TNS3: variants seen among roughly 807,000 people sequenced by gnomAD.
The protein encoded by TNS3 is tensin 3, also known as tensin-3.
Under a neutral mutation model 140.9 loss-of-function variants are expected in TNS3, and 45 were observed. The observed-to-expected ratio is 0.32, with a 90% CI of 0.25 to 0.41. The LOEUF is 0.41. TNS3 is among the 10% of genes least tolerant of loss of function. The probability of loss-of-function intolerance (pLI) is 1.00; values close to 1 mark genes in which losing one functional copy is unlikely to be tolerated. For missense variants in TNS3, 1,716 were observed against 1,906.7 expected (o/e 0.90, Z 1.86); for synonymous variants, 815 against 788.4 (o/e 1.03, Z -0.56).
In TNS3 at chr7:47,368,624, A is replaced by G. The variant is rs1303934373; in HGVS notation, c.2022T>C (p.Val674=). The change falls in exon 17 of 31, where the codon GTT becomes GTC. Residue 674 remains valine, a synonymous_variant. Coordinates refer to ENST00000311160, the MANE Select transcript of TNS3 (RefSeq NM_022748.12). ...TCAGCTCTGGGCCGGCTCCATTCAC[A>G]ACCTGGTCTCCTGGAAACCTGGGTT... The part of the protein sequence containing the change: ...AFKPRFPGDQ[V]VNGAGPELST... 7 of 1,596,722 alleles carry G rather than the reference A, an allele frequency of 4.4e-6. No individual in the cohort carries two copies. Among genetic ancestry groups the G allele is most frequent in the Non-Finnish European group, 6.0e-6 (7 of 1,171,770 alleles).
At chr7:47,450,912 G>A (rs1033474132) in intron 4 of TNS3, among the ~76,000 whole-genome samples, 15 of 152,300 alleles carry the variant, frequency 9.8e-5, no homozygotes, top group Admixed American at 8.5e-4. Context: ...CAAGGCAGGG[G>A]ATCACAAGGT....
intron 20 of TNS3, among the ~76,000 whole-genome samples, chr7:47,330,084 A>G (rs954509585): frequency 2.5e-4 from 38 of 152,178 alleles, no homozygotes; most frequent in African/African-American, 8.9e-4. Context: ...TCCACTGAGG[A>G]AAAAACATTT....
intron 4 of TNS3, among the ~76,000 whole-genome samples, chr7:47,447,699 G>C (rs1332059404): frequency 6.6e-6 from 1 of 152,126 alleles, no homozygotes; most frequent in Non-Finnish European, 1.5e-5. Context: ...CCATCCTGCA[G>C]TGCGCTATCC....
At position 47,529,243 on chromosome 7, in the gene TNS3, T is replaced by C. The variant is rs11983184; in HGVS notation, c.-264-96A>G. ...GGAAATAATAAATCTAGTGGAATTG[T>C]AAAGAGCAAAAACAGGAATTTTACC... On this transcript the variant is annotated intron_variant, in intron 1 of 30. Transcript: ENST00000311160. The C allele has an allele frequency of 8.9e-3, 6,016 of 676,676 alleles. 290 individuals are homozygous for C. In the African/African-American group the frequency reaches 0.1, roughly 12 times the overall value. The allele number at this position is 676,676 out of a possible 1,614,324, so 41.9% of individuals were successfully genotyped here. A position where few individuals can be genotyped will look rare whatever the true frequency, so the allele number is the denominator to read the frequency against.
At chr7:47,392,754 C>T (rs1238176138) in intron 16 of TNS3, among the ~76,000 whole-genome samples, 5 of 152,238 alleles carry the variant, frequency 3.3e-5, no homozygotes, top group Non-Finnish European at 7.3e-5. Flanking sequence ...TGCAGCACAC[C>T]GGCCTCCATG....
intron 3 of TNS3, among the ~76,000 whole-genome samples, chr7:47,500,497 G>A (rs1798172369): frequency 6.6e-6 from 1 of 152,232 alleles, no homozygotes; most frequent in South Asian, 2.1e-4. Context: ...AGACAGAAGT[G>A]TGACGAGTAA....
intron 23 of TNS3, among the ~76,000 whole-genome samples, chr7:47,299,154 G>T (rs973583131): frequency 6.6e-6 from 1 of 152,048 alleles, no homozygotes; most frequent in African/African-American, 2.4e-5. Flanking sequence ...TTATTTTTTT[G>T]AGATAGGCTC....
intron 1 of TNS3, among the ~76,000 whole-genome samples, chr7:47,555,819 T>C (rs1354271792): frequency 1.3e-5 from 2 of 152,272 alleles, no homozygotes; most frequent in African/African-American, 4.8e-5. Context: ...CAGCTTAGTA[T>C]AATCAACTTT....
rs568933818 is a variant in TNS3, at chr7:47,455,211, C to T, written c.-75-13156G>A. 2.6e-5 allele frequency among the ~76,000 whole-genome samples: 4 copies of T among 152,238 alleles called. No homozygotes were observed. In the South Asian group the frequency reaches 8.3e-4, roughly 32 times the overall value. On this transcript the variant is annotated intron_variant, in intron 4 of 30. Coordinates refer to ENST00000311160, the MANE Select transcript of TNS3 (RefSeq NM_022748.12). ...GGCCCTGCAGCCAGCTGGTTCCATA[C>T]AATAGCTCAATGTTTGCAAGGCTGA...
At chr7:47,475,337 C>A (rs749017633) in intron 4 of TNS3, among the ~76,000 whole-genome samples, 1 of 152,252 alleles carries the variant, frequency 6.6e-6, no homozygotes, top group Non-Finnish European at 1.5e-5. Flanking sequence ...TCTTCCAGGG[C>A]CACAGACCAC....
chr7:47,287,829 A>G (rs1360806051), intron 27 of TNS3, among the ~76,000 whole-genome samples: 1 of 152,208 alleles, frequency 6.6e-6, no homozygotes, highest in Admixed American at 6.5e-5. Context: ...TAAATGCCCA[A>G]CTCAGATGAT....
intron 1 of TNS3, among the ~76,000 whole-genome samples, chr7:47,549,489 A>G (rs1187436373): frequency 1.3e-5 from 2 of 151,816 alleles, no homozygotes; most frequent in East Asian, 3.9e-4. Context: ...GGGAAACTCC[A>G]TCTCAAAAAA....
intron 24 of TNS3, among the ~76,000 whole-genome samples, chr7:47,294,049 C>A (rs57198477): frequency 6.6e-6 from 1 of 152,122 alleles, no homozygotes; most frequent in Non-Finnish European, 1.5e-5. Context: ...AGATACAGGG[C>A]GGGAACCCTT....
intron 17 of TNS3, among the ~76,000 whole-genome samples, chr7:47,361,310 A>G (rs560292253): frequency 1.2e-4 from 18 of 149,802 alleles, no homozygotes; most frequent in South Asian, 2.1e-4. Flanking sequence ...CTGGCCCTCC[A>G]TGGTGGGGCC....
chr7:47,372,604 T>C (rs1791139433), intron 16 of TNS3, among the ~76,000 whole-genome samples: 1 of 152,104 alleles, frequency 6.6e-6, no homozygotes, highest in South Asian at 2.1e-4. Context: ...AAAATAATAA[T>C]AGATGCATTA....
At chr7:47,547,150 AG>A (rs1799943624) in intron 1 of TNS3, among the ~76,000 whole-genome samples, 1 of 152,196 alleles carries the variant, frequency 6.6e-6, no homozygotes, top group Non-Finnish European at 1.5e-5. Context: ...TGGACCCTCC[AG>A]GGTGAGGAGG....
intron 28 of TNS3, among the ~76,000 whole-genome samples, chr7:47,281,923 C>CCCCGA (rs1554343324): frequency 6.7e-6 from 1 of 148,252 alleles, no homozygotes; most frequent in Non-Finnish European, 1.5e-5. Context: ...CCTAGCCATG[C>CCCCGA]CCCTGACCCT....
chr7:47,342,359 G>C (rs1160642500), intron 20 of TNS3, among the ~76,000 whole-genome samples: 1 of 152,214 alleles, frequency 6.6e-6, no homozygotes, highest in Non-Finnish European at 1.5e-5. Context: ...ATGCACATCA[G>C]TATCTAGGCC....
At chr7:47,370,780 G>C (rs1346102408) in intron 16 of TNS3, among the ~76,000 whole-genome samples, 1 of 152,198 alleles carries the variant, frequency 6.6e-6, no homozygotes, top group Non-Finnish European at 1.5e-5. Flanking sequence ...CACGCTGCGT[G>C]GGCACCTGGA....
Sources: allele counts gnomAD v4.1 joint callset (sites outside exome capture counted in the v4.1 genomes callset), GRCh38; gene constraint gnomAD v4.1.1; transcripts MANE v1.5; gene names NCBI Gene and HGNC (gene_info 2026-07-23, HGNC 2026-07-21).